Variants in PPP3CA observed in about 807,000 individuals in gnomAD.
PPP3CA encodes the protein protein phosphatase 3 catalytic subunit alpha, also known as CAM-PRP catalytic subunit.
In PPP3CA, 14 loss-of-function variants were observed where a neutral mutation model predicts 66.5. The observed-to-expected ratio is 0.21, with a 90% CI of 0.14 to 0.33. The LOEUF is 0.33. PPP3CA is among the 10% of genes least tolerant of loss of function. PPP3CA has a pLI of 1.00. For missense variants in PPP3CA, 317 were observed against 639.5 expected, an observed-to-expected ratio of 0.50 and a Z score of 5.44; for synonymous variants, 232 against 226.2, an observed-to-expected ratio of 1.03 and a Z score of -0.23.
At chr4:101,317,704 T>C (rs1274009108) in intron 1 of PPP3CA, among the ~76,000 whole-genome samples, 1 of 152,220 alleles carries the variant, frequency 6.6e-6, no homozygotes, top group Non-Finnish European at 1.5e-5. Flanking sequence ...AACTGGACTT[T>C]TGTGGACTTG....
chr4:101,116,398 G>T (rs1721838835), intron 2 of PPP3CA, among the ~76,000 whole-genome samples: 1 of 151,846 alleles, frequency 6.6e-6, no homozygotes, highest in South Asian at 2.1e-4. Flanking sequence ...TGAATTTATT[G>T]ATTTGGTTTT....
At position 101,099,477 on chromosome 4, in the gene PPP3CA, T is replaced by C. The variant is rs562454642; in HGVS notation, c.496+134A>G. 66 of 433,240 alleles carry C rather than the reference T, an allele frequency of 1.5e-4. 1 individual carries two copies. The South Asian group carries it at 3.0e-3, about 20-fold the overall frequency. The allele number at this position is 433,240 out of a possible 1,614,324, so 26.8% of individuals were successfully genotyped here. A position where few individuals can be genotyped will look rare whatever the true frequency, so the allele number is the denominator to read the frequency against. ...AAATGTCCATGCTTAGAAAGAAATA[T>C]AGGATAATATGAAAGAGTGTCACTT... On this transcript the variant is annotated intron_variant, in intron 4 of 13. Transcript: ENST00000394854.
At chr4:101,194,661 G>C (rs909627907) in intron 2 of PPP3CA, among the ~76,000 whole-genome samples, 6 of 151,918 alleles carry the variant, frequency 3.9e-5, no homozygotes, top group Non-Finnish European at 7.4e-5. Context: ...CTACCTCCTG[G>C]GTTCAAGAGA....
In PPP3CA at chr4:101,109,023, C is replaced by A. The variant is rs747396651; in HGVS notation, c.315G>T (p.Gly105=). Residue 105 remains glycine (G), a synonymous_variant, in exon 3 of 14, where the codon GGG becomes GGT. Coordinates refer to ENST00000394854, the MANE Select transcript of PPP3CA (RefSeq NM_000944.5). ...GGTAGCGAGTGTTGGCAGGAGATCC[C>A]CCGACTTCAAAGAGCTTCATCAAAT... is the stretch of plus-strand genomic sequence containing the variant. ...FFDLMKLFEV[G]GSPANTRYLF... is the part of the protein sequence containing the mutation. The A allele has an allele frequency of 1.1e-5, 18 of 1,613,386 alleles. No individual in the cohort carries two copies. In the South Asian group the frequency reaches 2.0e-4, roughly 18 times the overall value.
chr4:101,292,300 T>G (rs933598153), intron 1 of PPP3CA, among the ~76,000 whole-genome samples: 1 of 152,208 alleles, frequency 6.6e-6, no homozygotes, highest in Non-Finnish European at 1.5e-5. Context: ...TACTCAAACA[T>G]TTGAAAAGAA....
intron 1 of PPP3CA, among the ~76,000 whole-genome samples, chr4:101,320,494 A>C (rs936628954): frequency 2.1e-5 from 1 of 48,258 alleles, no homozygotes. Context: ...GTGTGTGTAT[A>C]CACACACACA....
intron 1 of PPP3CA, among the ~76,000 whole-genome samples, chr4:101,333,168 G>C (rs376428437): frequency 4.4e-5 from 6 of 134,840 alleles, no homozygotes; most frequent in Middle Eastern, 4.8e-3. Context: ...GTAACGGCAT[G>C]ATCATGACTC....
At chr4:101,094,017 CCAGCTA>C in intron 5 of PPP3CA, 102 bp from the exon 6 acceptor site, 1 of 1,072,730 alleles carries the variant, frequency 9.3e-7, no homozygotes, top group East Asian at 2.8e-5. Context: ...CCTCTTCTCC[CCAGCTA>C]CAGCTCAGGG....
intron 1 of PPP3CA, among the ~76,000 whole-genome samples, chr4:101,335,170 G>A (rs533776041): frequency 1.3e-5 from 2 of 152,106 alleles, no homozygotes; most frequent in Non-Finnish European, 2.9e-5. Context: ...ACACTGTGTT[G>A]ACACCATAGT....
At chr4:101,186,489 T>A (rs1182004333) in intron 2 of PPP3CA, among the ~76,000 whole-genome samples, 1 of 152,176 alleles carries the variant, frequency 6.6e-6, no homozygotes, top group East Asian at 1.9e-4. Flanking sequence ...TACTTTGACA[T>A]GGGACTCTTT....
chr4:101,206,027 C>G (rs1725119997), intron 1 of PPP3CA, among the ~76,000 whole-genome samples: 1 of 152,168 alleles, frequency 6.6e-6, no homozygotes, highest in Admixed American at 6.5e-5. Context: ...CTCGGGTAGG[C>G]TCTAGAGCAG....
intron 2 of PPP3CA, among the ~76,000 whole-genome samples, chr4:101,143,459 C>T (rs1334336380): frequency 6.6e-6 from 1 of 152,136 alleles, no homozygotes; most frequent in Non-Finnish European, 1.5e-5. Flanking sequence ...AAGACTAGTC[C>T]ACCCTGAGTA....
intron 9 of PPP3CA, among the ~76,000 whole-genome samples, chr4:101,062,207 A>G (rs991756401): frequency 1.3e-5 from 2 of 152,028 alleles, no homozygotes; most frequent in African/African-American, 2.4e-5. Context: ...AGATGACACT[A>G]CTCCAATTTG....
At chr4:101,102,902 T>A (rs1243046237) in intron 3 of PPP3CA, among the ~76,000 whole-genome samples, 1 of 152,212 alleles carries the variant, frequency 6.6e-6, no homozygotes, top group Non-Finnish European at 1.5e-5. Flanking sequence ...CGCTAATCAC[T>A]TCAACTGGAC....
At chr4:101,142,333 C>CTAA (rs1348762618) in intron 2 of PPP3CA, among the ~76,000 whole-genome samples, 7 of 152,156 alleles carry the variant, frequency 4.6e-5, no homozygotes, top group African/African-American at 1.7e-4. Context: ...CAAGGAAGAG[C>CTAA]TGCTTAGTGA....
At chr4:101,116,754 T>C (rs545836788) in intron 2 of PPP3CA, among the ~76,000 whole-genome samples, 2 of 152,020 alleles carry the variant, frequency 1.3e-5, no homozygotes, top group South Asian at 4.1e-4. Flanking sequence ...ATCGTTCTAA[T>C]TTACTAAAGA....
intron 1 of PPP3CA, among the ~76,000 whole-genome samples, chr4:101,200,554 T>C (rs1404526587): frequency 6.6e-6 from 1 of 152,154 alleles, no homozygotes. Flanking sequence ...ACAAAAAAGA[T>C]TCAAGAGAAT....
chr4:101,072,299 AT>A (rs1355596365), intron 8 of PPP3CA, among the ~76,000 whole-genome samples: 1 of 152,248 alleles, frequency 6.6e-6, no homozygotes, highest in Non-Finnish European at 1.5e-5. Context: ...TCACCTAAAC[AT>A]AATGGAACCA....
At chr4:101,145,930 A>T (rs1722955146) in intron 2 of PPP3CA, among the ~76,000 whole-genome samples, 1 of 152,188 alleles carries the variant, frequency 6.6e-6, no homozygotes, top group Non-Finnish European at 1.5e-5. Context: ...TCATAAAAAT[A>T]TTATGTTAAA....
Sources: allele counts gnomAD v4.1 joint callset (sites outside exome capture counted in the v4.1 genomes callset), GRCh38; gene constraint gnomAD v4.1.1; transcripts MANE v1.5; gene names NCBI Gene and HGNC (gene_info 2026-07-23, HGNC 2026-07-21).